ITPR1: variants seen among roughly 807,000 people sequenced by gnomAD.
ITPR1 encodes the protein inositol 1,4,5-trisphosphate-gated calcium channel ITPR1.
A neutral mutation model predicts 318.4 loss-of-function variants in ITPR1; 96 were observed. That is an observed-to-expected ratio of 0.30 (90% CI 0.26 to 0.36). ITPR1 has a LOEUF of 0.36. Among genes scored for constraint, ITPR1 ranks in the 10% least tolerant of loss-of-function variants. ITPR1 has a pLI of 1.00. For synonymous variants in ITPR1, 1,312 were observed against 1,289.9 expected, an observed-to-expected ratio of 1.02 and a Z score of -0.37; for missense variants, 2,440 against 3,460.2, an observed-to-expected ratio of 0.71 and a Z score of 7.40.
At chr3:4,673,468 G>T (rs1014730168) in intron 21 of ITPR1, 81 bp downstream of exon 21, 2 of 1,291,084 alleles carry the variant, frequency 1.5e-6, no homozygotes, top group African/African-American at 3.0e-5. Flanking sequence ...TTAAATCTTA[G>T]AAGAAAGATG....
intron 10 of ITPR1, among the ~76,000 whole-genome samples, chr3:4,650,650 CGTCT>C: frequency 2.0e-5 from 1 of 50,070 alleles, no homozygotes; most frequent in Admixed American, 2.3e-4. Context: ...TGTGTGCGCG[CGTCT>C]GTCTGTGTCT....
chr3:4,746,710 T>A (rs2044134654), intron 44 of ITPR1, among the ~76,000 whole-genome samples: 1 of 152,222 alleles, frequency 6.6e-6, no homozygotes, highest in African/African-American at 2.4e-5. Flanking sequence ...ACATGATGAA[T>A]CAGTGTGGAT....
chr3:4,842,872 A>G (rs1360392942), intron 61 of ITPR1, among the ~76,000 whole-genome samples: 1 of 152,214 alleles, frequency 6.6e-6, no homozygotes, highest in East Asian at 1.9e-4. Context: ...GTAACAGACA[A>G]TAATGATGCC....
At chr3:4,671,125 C>T (rs1311430316) in intron 20 of ITPR1, among the ~76,000 whole-genome samples, 199 bp downstream of exon 20, 2 of 152,108 alleles carry the variant, frequency 1.3e-5, no homozygotes, top group African/African-American at 4.8e-5. Context: ...GGCTGGTTCC[C>T]AAAAAGGATG....
In ITPR1 at chr3:4,663,170, G is replaced by T. The variant is rs1350880657; in HGVS notation, c.1518G>T (p.Arg506=). Reference sequence around the variant, plus strand: ...TCTTCTCCAAGCCCAACAGAGAACGGCAGAAACTGATGAGAGAACAGAATA... The same window carrying T: ...TCTTCTCCAAGCCCAACAGAGAACGTCAGAAACTGATGAGAGAACAGAATA... The part of the protein sequence containing the change: ...EVVFSKPNRE[R]QKLMREQNIL... The change falls in exon 16 of 62, where the codon CGG becomes CGT. Residue 506 remains arginine, a synonymous_variant. Coordinates refer to ENST00000649015, the MANE Select transcript of ITPR1 (RefSeq NM_001378452.1). 6.2e-7 allele frequency: 1 copy of T among 1,613,476 alleles called. No individual in the cohort carries two copies. Among genetic ancestry groups the T allele is most frequent in the African/African-American group, 1.3e-5 (1 of 74,890 alleles).
chr3:4,840,309 G>GA (rs2051249706), intron 61 of ITPR1, among the ~76,000 whole-genome samples: 1 of 151,926 alleles, frequency 6.6e-6, no homozygotes, highest in Non-Finnish European at 1.5e-5. Context: ...CCCTTTGTGG[G>GA]AAAAAATTTT....
chr3:4,794,842 C>T (rs1205763643), intron 52 of ITPR1, among the ~76,000 whole-genome samples: 1 of 152,212 alleles, frequency 6.6e-6, no homozygotes, highest in African/African-American at 2.4e-5. Context: ...CCTTACTCCA[C>T]CCCCAATACA....
intron 4 of ITPR1, among the ~76,000 whole-genome samples, chr3:4,609,085 T>C (rs1281421957): frequency 0.044 from 4,034 of 91,342 alleles, 220 homozygotes; most frequent in African/African-American, 0.12. Context: ...TATATATATA[T>C]ATATACACAC....
chr3:4,545,679 C>G (rs1575482490), intron 4 of ITPR1, among the ~76,000 whole-genome samples: 1 of 142,190 alleles, frequency 7.0e-6, no homozygotes, highest in South Asian at 2.2e-4. Context: ...CATATCACGG[C>G]TAGTATGCAA....
At chr3:4,651,404 A>G (rs142216253) in intron 10 of ITPR1, among the ~76,000 whole-genome samples, 106 of 152,298 alleles carry the variant, frequency 7.0e-4, no homozygotes, top group African/African-American at 2.6e-3. Context: ...TCATGCCCTT[A>G]GCTTGGATTC....
chr3:4,636,715 C>T (rs1371347383), intron 5 of ITPR1, among the ~76,000 whole-genome samples: 1 of 152,256 alleles, frequency 6.6e-6, no homozygotes, highest in Non-Finnish European at 1.5e-5. Flanking sequence ...AGGCATGAGC[C>T]ACCACTCCTG....
rs544881884 is a variant in ITPR1 at position 4,816,688 on chromosome 3, C to T, written c.7868-1394C>T. Among the ~76,000 whole-genome samples the T allele has an allele frequency of 5.3e-5, 8 of 152,276 alleles. No individual in the cohort carries two copies. The South Asian group carries it at 6.2e-4, about 12-fold the overall frequency. ...ACAGGCATGAGCCACTGCGCCCAGC[C>T]GTGATACTAACGTTGATCATTTGGT... On this transcript the variant is annotated intron_variant, in intron 59 of 61. Coordinates refer to ENST00000649015, the MANE Select transcript of ITPR1 (RefSeq NM_001378452.1).
intron 42 of ITPR1, among the ~76,000 whole-genome samples, chr3:4,727,425 C>A (rs1214325092): frequency 4.6e-5 from 7 of 151,958 alleles, no homozygotes; most frequent in Non-Finnish European, 7.4e-5. Context: ...GTCCTTTTTT[C>A]TTTTCTGTGG....
At chr3:4,817,058 C>A (rs1470864842) in intron 59 of ITPR1, among the ~76,000 whole-genome samples, 1 of 152,054 alleles carries the variant, frequency 6.6e-6, no homozygotes, top group Non-Finnish European at 1.5e-5. Flanking sequence ...TCAGATGTGG[C>A]CAGTGAGAGC....
chr3:4,735,900 C>G (rs2043232221), intron 44 of ITPR1, among the ~76,000 whole-genome samples: 1 of 152,118 alleles, frequency 6.6e-6, no homozygotes, highest in South Asian at 2.1e-4. Context: ...GAATAGATGA[C>G]TTTTTGAAAG....
chr3:4,649,948 A>T (rs752151980), intron 10 of ITPR1, among the ~76,000 whole-genome samples: 1 of 152,208 alleles, frequency 6.6e-6, no homozygotes, highest in East Asian at 1.9e-4. Context: ...TCCTAATACT[A>T]TAACCTTATG....
intron 4 of ITPR1, among the ~76,000 whole-genome samples, chr3:4,527,271 G>T (rs922350472): frequency 6.6e-6 from 1 of 152,136 alleles, no homozygotes; most frequent in Admixed American, 6.5e-5. Flanking sequence ...CGACCTTCTG[G>T]GTTCAAACCA....
intron 4 of ITPR1, among the ~76,000 whole-genome samples, chr3:4,544,671 T>C (rs2084793303): frequency 6.6e-6 from 1 of 152,256 alleles, no homozygotes; most frequent in Non-Finnish European, 1.5e-5. Context: ...GGACTGACAT[T>C]GCTAACTTCG....
In ITPR1 at chr3:4,668,022, G is replaced by C. The variant is rs187697439; in HGVS notation, c.1886+473G>C. 3.4e-4 allele frequency among the ~76,000 whole-genome samples: 51 copies of C among 152,158 alleles called. 1 individual carries two copies. The highest frequency in any genetic ancestry group is 1.1e-3 in the African/African-American group (47 of 41,514). ...TGCAATGTGTAATAATCACATTGTA[G>C]AGAATGGGGTATCCATCCCCTCAAA... On this transcript the variant is annotated intron_variant, in intron 18 of 61. Coordinates refer to ENST00000649015, the MANE Select transcript of ITPR1 (RefSeq NM_001378452.1).
Sources: allele counts gnomAD v4.1 joint callset (sites outside exome capture counted in the v4.1 genomes callset), GRCh38; gene constraint gnomAD v4.1.1; transcripts MANE v1.5; gene names NCBI Gene and HGNC (gene_info 2026-07-23, HGNC 2026-07-21).